Variants in ADK observed in about 807,000 individuals in gnomAD.
ADK encodes N6,N6-dimethyladenosine kinase.
In ADK, 24 loss-of-function variants were observed where a neutral mutation model predicts 44.7. The observed-to-expected ratio is 0.54, with a 90% CI of 0.39 to 0.76. ADK has a LOEUF of 0.76. ADK is among the 30% of genes least tolerant of loss of function. ADK has a pLI of 0.00. For missense variants in ADK, 321 were observed against 425.1 expected (o/e 0.76, Z 2.15); for synonymous variants, 128 against 142.6 (o/e 0.90, Z 0.73).
At chr10:74,496,192 T>A (rs1403796360) in intron 6 of ADK, among the ~76,000 whole-genome samples, 2 of 152,200 alleles carry the variant, frequency 1.3e-5, no homozygotes, top group African/African-American at 4.8e-5. Flanking sequence ...CTTCAGCCTC[T>A]ACCTCCTGGG....
At chr10:74,607,393 G>A (rs999977692) in intron 9 of ADK, among the ~76,000 whole-genome samples, 3 of 152,068 alleles carry the variant, frequency 2.0e-5, no homozygotes, top group Non-Finnish European at 4.4e-5. Context: ...CATATTTAGT[G>A]CTTCCTTCAG....
At chr10:74,625,943 TACTA>T (rs1345984822) in intron 9 of ADK, among the ~76,000 whole-genome samples, 11 of 152,178 alleles carry the variant, frequency 7.2e-5, no homozygotes, top group African/African-American at 1.7e-4. Context: ...GTGTAGTTGA[TACTA>T]AATAAATAAA....
intron 3 of ADK, among the ~76,000 whole-genome samples, chr10:74,242,535 T>C (rs1362836161): frequency 2.0e-5 from 3 of 152,218 alleles, no homozygotes; most frequent in Non-Finnish European, 4.4e-5. Flanking sequence ...ATTAATCAGC[T>C]TTAAAATGCT....
At chr10:74,314,351 T>G (rs1314470820) in intron 3 of ADK, among the ~76,000 whole-genome samples, 1 of 152,122 alleles carries the variant, frequency 6.6e-6, no homozygotes, top group Non-Finnish European at 1.5e-5. Context: ...TGATTTTGAC[T>G]TAACCAGTTT....
chr10:74,699,492 A>C (rs1486569606), intron 10 of ADK, among the ~76,000 whole-genome samples: 1 of 152,154 alleles, frequency 6.6e-6, no homozygotes, highest in African/African-American at 2.4e-5. Context: ...AGCCTGGCCA[A>C]CATGGTGAAA....
chr10:74,477,679 T>A (rs968887080), intron 6 of ADK, among the ~76,000 whole-genome samples: 9 of 152,208 alleles, frequency 5.9e-5, no homozygotes, highest in Admixed American at 4.6e-4. Context: ...AGGAAATCTT[T>A]CTTACCCTCA....
At chr10:74,234,977 C>T (rs1366058397) in intron 3 of ADK, among the ~76,000 whole-genome samples, 1 of 152,074 alleles carries the variant, frequency 6.6e-6, no homozygotes, top group Non-Finnish European at 1.5e-5. Flanking sequence ...AAACTTTCTT[C>T]AAACATTCCT....
At chr10:74,457,659 C>T (rs1396950239) in intron 6 of ADK, among the ~76,000 whole-genome samples, 1 of 152,172 alleles carries the variant, frequency 6.6e-6, no homozygotes, top group Non-Finnish European at 1.5e-5. Flanking sequence ...AAATGTGGCA[C>T]ATAACCACCA....
chr10:74,353,711 A>G (rs1307354895), intron 4 of ADK, among the ~76,000 whole-genome samples: 1 of 152,060 alleles, frequency 6.6e-6, no homozygotes, highest in Non-Finnish European at 1.5e-5. Flanking sequence ...TACTAAAAAT[A>G]CAAAAAATTA....
intron 4 of ADK, among the ~76,000 whole-genome samples, chr10:74,348,207 C>A (rs2131895471): frequency 6.6e-6 from 1 of 152,278 alleles, no homozygotes; most frequent in East Asian, 1.9e-4. Flanking sequence ...CAGGCTGGTG[C>A]CCCTCTGGGA....
chr10:74,502,900 T>C (rs1299468427), intron 6 of ADK, among the ~76,000 whole-genome samples: 1 of 152,194 alleles, frequency 6.6e-6, no homozygotes, highest in Non-Finnish European at 1.5e-5. Flanking sequence ...TGTAATTATA[T>C]CGTTTCTTTC....
chr10:74,278,361 A>G (rs1415317440), intron 3 of ADK, among the ~76,000 whole-genome samples: 2 of 117,810 alleles, frequency 1.7e-5, no homozygotes, highest in East Asian at 2.0e-4. Flanking sequence ...CTCAAAAAAA[A>G]AAATTAAAAA....
intron 6 of ADK, among the ~76,000 whole-genome samples, chr10:74,439,285 G>A (rs1033087501): frequency 6.6e-6 from 1 of 152,012 alleles, no homozygotes; most frequent in African/African-American, 2.4e-5. Context: ...TTTTCAGGAA[G>A]CAATATTTTC....
rs1443363710 is a variant in ADK at position 74,391,650 on chromosome 10, TATACACACACACACAC to T, written c.274-2489_274-2474del. On this transcript the variant is annotated intron_variant, in intron 4 of 10. Coordinates refer to ENST00000539909, the MANE Select transcript of ADK (RefSeq NM_006721.4). ...TGAATTCAGGAGTTCGAGGCAAGAATATACACACACACACACACACACACACACACACACACACACA... is the reference window on the plus strand; with the variant it reads ...TGAATTCAGGAGTTCGAGGCAAGAATACACACACACACACACACACACACA... Among the ~76,000 whole-genome samples, 171 of 134,730 alleles carry T rather than the reference TATACACACACACACAC, an allele frequency of 1.3e-3. 4 individuals are homozygous for T. In the East Asian group the frequency reaches 0.034, roughly 27 times the overall value. The allele number at this position is 134,730 out of a possible 152,430, so 88.4% of individuals were successfully genotyped here.
chr10:74,159,733 C>T (rs1239751868), intron 1 of ADK, among the ~76,000 whole-genome samples: 1 of 152,166 alleles, frequency 6.6e-6, no homozygotes, highest in African/African-American at 2.4e-5. Context: ...GCTGGGATTA[C>T]AGGCATGCAC....
chr10:74,176,307 C>T (rs1842334974), intron 1 of ADK, among the ~76,000 whole-genome samples: 1 of 152,164 alleles, frequency 6.6e-6, no homozygotes, highest in African/African-American at 2.4e-5. Flanking sequence ...TTTTCCTAGG[C>T]TGAGGCTTCC....
chr10:74,214,348 C>G (rs148375833), intron 2 of ADK, among the ~76,000 whole-genome samples: 2 of 152,204 alleles, frequency 1.3e-5, no homozygotes, highest in African/African-American at 4.8e-5. Context: ...CTTGCCATAT[C>G]CACACTGTCT....
chr10:74,338,946 CT>C (rs1048920465), intron 4 of ADK, among the ~76,000 whole-genome samples: 1 of 151,880 alleles, frequency 6.6e-6, no homozygotes, highest in African/African-American at 2.4e-5. Context: ...CTTTGGGGAG[CT>C]TTTTTTAAAA....
At chr10:74,273,363 G>C (rs1270368843) in intron 3 of ADK, among the ~76,000 whole-genome samples, 2 of 152,130 alleles carry the variant, frequency 1.3e-5, no homozygotes, top group East Asian at 1.9e-4. Flanking sequence ...TACCACCAGA[G>C]ATCTGCCAGG....
Sources: gnomAD v4.1 joint callset for allele counts (sites outside exome capture counted in the v4.1 genomes callset) on GRCh38, gnomAD v4.1.1 for gene constraint, MANE v1.5 for transcripts, NCBI Gene and HGNC (gene_info 2026-07-23, HGNC 2026-07-21) for gene names.